PRDM5: variants seen among roughly 807,000 people sequenced by gnomAD.
PRDM5 encodes PR domain zinc finger protein 5.
PRDM5 carries 56 observed loss-of-function variants against 81.2 expected under a neutral mutation model. That is an observed-to-expected ratio of 0.69 (90% confidence interval 0.56 to 0.86). PRDM5 has a LOEUF of 0.86. PRDM5 is among the 40% of genes least tolerant of loss of function. The pLI, the probability that PRDM5 is intolerant of heterozygous loss-of-function variation, is 0.00. For missense variants in PRDM5, 697 were observed against 770.1 expected (o/e 0.91, Z 1.12); for synonymous variants, 267 against 256.4 (o/e 1.04, Z -0.39).
In PRDM5 at chr4:120,718,932, A is replaced by G. The variant is rs2941871; in HGVS notation, c.1624-8519T>C. ...AACTTTCTCTTCTGCAAAATGTCTC[A>G]CTAATTTCCACTGTGGAATATGGAG... On this transcript the variant is annotated intron_variant, in intron 14 of 15. Transcript: ENST00000264808. 5.3e-3 allele frequency among the ~76,000 whole-genome samples: 800 copies of G among 152,280 alleles called. 1 individual carries two copies. The highest frequency in any genetic ancestry group is 7.4e-3 in the Non-Finnish European group (506 of 68,008).
chr4:120,685,562 C>A (rs1006590096), intron 1 of PRDM5, among the ~76,000 whole-genome samples: 1 of 151,956 alleles, frequency 6.6e-6, no homozygotes. Context: ...TGGAATGCTG[C>A]GGAGTGGTGG....
At chr4:120,818,252 G>T in intron 5 of PRDM5, 101 bp downstream of exon 5, 1 of 1,257,072 alleles carries the variant, frequency 8.0e-7, no homozygotes, top group South Asian at 1.3e-5. Context: ...GCGCGTGCGC[G>T]CGTGCACACA....
intron 1 of PRDM5, among the ~76,000 whole-genome samples, chr4:120,686,718 A>G (rs1439293746): frequency 6.6e-6 from 1 of 152,060 alleles, no homozygotes; most frequent in East Asian, 1.9e-4. Context: ...AAAGTTGGTA[A>G]TAATTGACCA....
intron 7 of PRDM5, among the ~76,000 whole-genome samples, chr4:120,815,527 T>C (rs1178321148): frequency 6.6e-6 from 1 of 152,222 alleles, no homozygotes; most frequent in African/African-American, 2.4e-5. Context: ...TTAAAGTGAA[T>C]ACTTTTTGGA....
intron 14 of PRDM5, among the ~76,000 whole-genome samples, chr4:120,749,646 G>A (rs911061605): frequency 2.0e-5 from 3 of 152,246 alleles, no homozygotes; most frequent in South Asian, 4.1e-4. Context: ...CACCTGCCAC[G>A]TCCCATATGT....
chr4:120,821,995 G>A (rs563887453), intron 3 of PRDM5, among the ~76,000 whole-genome samples: 1 of 149,268 alleles, frequency 6.7e-6, no homozygotes, highest in Non-Finnish European at 1.5e-5. Flanking sequence ...AGATATTTTA[G>A]AAAGTCCTGG....
At chr4:120,774,902 A>ATATATATATATGTATATGTATATG (rs1553963976) in intron 13 of PRDM5, among the ~76,000 whole-genome samples, 9 of 146,052 alleles carry the variant, frequency 6.2e-5, no homozygotes, top group African/African-American at 2.3e-4. Flanking sequence ...ATATATATAT[A>ATATATATATATGTATATGTATATG]TATATGTATA....
At chr4:120,885,160 AAAAAG>A (rs1244274789) in intron 2 of PRDM5, among the ~76,000 whole-genome samples, 1 of 149,068 alleles carries the variant, frequency 6.7e-6, no homozygotes, top group South Asian at 2.1e-4. Context: ...AAAAAAAGTA[AAAAAG>A]AAAAGAAAAG....
chr4:120,896,173 T>C (rs1050408271), intron 2 of PRDM5: 8 of 152,150 alleles, frequency 5.3e-5, no homozygotes, highest in Non-Finnish European at 1.0e-4. Context: ...ATCAGAATCA[T>C]TGGTGAATCA....
intron 13 of PRDM5, among the ~76,000 whole-genome samples, chr4:120,773,632 T>A (rs1747620852): frequency 6.6e-6 from 1 of 152,176 alleles, no homozygotes; most frequent in Non-Finnish European, 1.5e-5. Flanking sequence ...TAATTTTAGG[T>A]TCCACACAAC....
intron 14 of PRDM5, among the ~76,000 whole-genome samples, chr4:120,729,847 T>C (rs1739995421): frequency 6.6e-6 from 1 of 152,166 alleles, no homozygotes; most frequent in Non-Finnish European, 1.5e-5. Flanking sequence ...ATTTCCTGCG[T>C]GGGGTGTCCC....
At chr4:120,793,930 T>C (rs748978532) in intron 10 of PRDM5, among the ~76,000 whole-genome samples, 1 of 148,658 alleles carries the variant, frequency 6.7e-6, no homozygotes, top group African/African-American at 2.4e-5. Flanking sequence ...CTTGTCATTA[T>C]GCTTCAATAA....
intron 2 of PRDM5, chr4:120,897,117 T>C (rs1045369012): frequency 2.0e-5 from 3 of 152,072 alleles, no homozygotes; most frequent in African/African-American, 7.2e-5. Context: ...CTGTTAGCCT[T>C]AGCCTTAAAC....
At chr4:120,788,118 C>A (rs953595070) in intron 10 of PRDM5, among the ~76,000 whole-genome samples, 1 of 152,068 alleles carries the variant, frequency 6.6e-6, no homozygotes, top group Admixed American at 6.6e-5. Context: ...CCTTGACTAA[C>A]CAATTCCCTT....
intron 14 of PRDM5, among the ~76,000 whole-genome samples, chr4:120,734,708 T>A (rs909065357): frequency 1.3e-5 from 2 of 152,180 alleles, no homozygotes; most frequent in African/African-American, 4.8e-5. Context: ...TGGACAATAT[T>A]CTGGGGCTTA....
rs935145396 is a variant in PRDM5, at chr4:120,853,327, T to C, written c.300+91A>G. ...GTTACTGTTATTTGAAGGAGGTCAT[T>C]GGGAAACAAATTTAAAACAGGGAGT... is the stretch of plus-strand genomic sequence containing the variant. On this transcript the variant is annotated intron_variant, in intron 3 of 15. Transcript: ENST00000264808. The C allele has an allele frequency of 8.8e-6, 14 of 1,583,118 alleles. No homozygotes were observed. The Middle Eastern group carries it at 5.0e-4, about 57-fold the overall frequency.
At chr4:120,844,162 C>T (rs527514149) in intron 3 of PRDM5, among the ~76,000 whole-genome samples, 6 of 152,062 alleles carry the variant, frequency 3.9e-5, no homozygotes, top group African/African-American at 1.4e-4. Context: ...ATACTAGATA[C>T]TCTGGGAAAG....
chr4:120,859,269 A>G (rs1228887965), intron 2 of PRDM5, among the ~76,000 whole-genome samples: 1 of 151,480 alleles, frequency 6.6e-6, no homozygotes, highest in Non-Finnish European at 1.5e-5. Context: ...GCAGTGGCAC[A>G]GCACCATCAT....
At chr4:120,756,427 C>T (rs1285723978) in intron 13 of PRDM5, among the ~76,000 whole-genome samples, 2 of 152,176 alleles carry the variant, frequency 1.3e-5, no homozygotes, top group Non-Finnish European at 1.5e-5. Flanking sequence ...CACTTTTTTA[C>T]TCACTTCTCC....
Sources: gnomAD v4.1 joint callset for allele counts (sites outside exome capture counted in the v4.1 genomes callset) on GRCh38, gnomAD v4.1.1 for gene constraint, MANE v1.5 for transcripts, NCBI Gene and HGNC (gene_info 2026-07-23, HGNC 2026-07-21) for gene names.